Variants in ZNF385B observed in about 807,000 individuals in gnomAD.
ZNF385B encodes the protein zinc finger protein 533.
In ZNF385B, 23 loss-of-function variants were observed where a neutral mutation model predicts 39.2. The ratio of observed to expected loss-of-function variants is 0.59; its 90% confidence interval spans 0.42 to 0.83. ZNF385B has a LOEUF of 0.83. Among genes scored for constraint, ZNF385B ranks in the 40% least tolerant of loss-of-function variants. The probability of loss-of-function intolerance (pLI) is 0.00; values close to 1 mark genes in which losing one functional copy is unlikely to be tolerated. For synonymous variants in ZNF385B, 205 were observed against 222.6 expected (o/e 0.92, Z 0.70); for missense variants, 552 against 598.9 (o/e 0.92, Z 0.82).
chr2:179,712,936 G>C (rs985748903), intron 3 of ZNF385B, among the ~76,000 whole-genome samples: 1 of 152,096 alleles, frequency 6.6e-6, no homozygotes, highest in Admixed American at 6.5e-5. Context: ...ATCTTTTTCT[G>C]GGCTAGTAAT....
intron 5 of ZNF385B, among the ~76,000 whole-genome samples, chr2:179,502,938 A>C (rs2056895601): frequency 1.3e-5 from 2 of 152,160 alleles, no homozygotes; most frequent in Admixed American, 1.3e-4. Context: ...CAGTGGTGGG[A>C]TCATGGCTCA....
chr2:179,524,289 A>C (rs2058715753), intron 4 of ZNF385B, among the ~76,000 whole-genome samples: 1 of 152,028 alleles, frequency 6.6e-6, no homozygotes, highest in Non-Finnish European at 1.5e-5. Flanking sequence ...ACGGTGGCTG[A>C]CGCCTGCAAT....
At chr2:179,606,266 T>C (rs1474212580) in intron 3 of ZNF385B, among the ~76,000 whole-genome samples, 1 of 152,122 alleles carries the variant, frequency 6.6e-6, no homozygotes, top group African/African-American at 2.4e-5. Flanking sequence ...ACTAAGCACT[T>C]CTTTAAAAGG....
chr2:179,486,665 G>A (rs1021090045), intron 5 of ZNF385B, among the ~76,000 whole-genome samples: 3 of 152,134 alleles, frequency 2.0e-5, no homozygotes, highest in Non-Finnish European at 2.9e-5. Context: ...CTGTAAGCCC[G>A]GCACTTTGGG....
intron 3 of ZNF385B, among the ~76,000 whole-genome samples, chr2:179,732,292 T>G (rs1056990300): frequency 6.6e-6 from 1 of 152,256 alleles, no homozygotes; most frequent in Non-Finnish European, 1.5e-5. Context: ...GTTGTCCAGT[T>G]GGCTCTTTAT....
chr2:179,603,935 G>A (rs1688603770), intron 3 of ZNF385B, among the ~76,000 whole-genome samples: 1 of 152,100 alleles, frequency 6.6e-6, no homozygotes, highest in Admixed American at 6.6e-5. Flanking sequence ...GATATATTAG[G>A]ATTTTCACAG....
intron 3 of ZNF385B, among the ~76,000 whole-genome samples, chr2:179,671,648 C>T (rs1042778601): frequency 6.6e-5 from 10 of 152,190 alleles, no homozygotes; most frequent in African/African-American, 2.2e-4. Flanking sequence ...ACAATTTCAA[C>T]GAAGGGGCTA....
intron 3 of ZNF385B, among the ~76,000 whole-genome samples, chr2:179,629,287 G>A (rs1422302886): frequency 6.6e-6 from 1 of 152,170 alleles, no homozygotes; most frequent in Admixed American, 6.5e-5. Context: ...AGTACTGTCA[G>A]CCAGCATCTG....
chr2:179,705,561 G>C (rs1360518263), intron 3 of ZNF385B, among the ~76,000 whole-genome samples: 1 of 152,260 alleles, frequency 6.6e-6, no homozygotes, highest in South Asian at 2.1e-4. Context: ...CTATTCTCTA[G>C]ATCACCCTGG....
At chr2:179,669,821 C>T (rs1414602074) in intron 3 of ZNF385B, among the ~76,000 whole-genome samples, 1 of 152,114 alleles carries the variant, frequency 6.6e-6, no homozygotes, top group Admixed American at 6.5e-5. Context: ...AGAACTAATA[C>T]AGTTTAGACA....
chr2:179,548,491 GAATTC>G (rs2060371795), intron 3 of ZNF385B, among the ~76,000 whole-genome samples: 1 of 149,540 alleles, frequency 6.7e-6, no homozygotes, highest in Non-Finnish European at 1.5e-5. Context: ...CTGAATTGTA[GAATTC>G]AATTATTTTT....
At chr2:179,714,664 GC>G (rs1425469404) in intron 3 of ZNF385B, among the ~76,000 whole-genome samples, 5 of 151,962 alleles carry the variant, frequency 3.3e-5, no homozygotes, top group African/African-American at 1.2e-4. Flanking sequence ...AGAATTTCCT[GC>G]CCAGGCGTGG....
At chr2:179,791,309 G>A (rs1481648220) in intron 1 of ZNF385B, among the ~76,000 whole-genome samples, 2 of 152,126 alleles carry the variant, frequency 1.3e-5, no homozygotes, top group Admixed American at 6.5e-5. Context: ...ACCTAATACA[G>A]TCTTTTAGTG....
At chr2:179,472,217 T>C (rs1050604290) in intron 6 of ZNF385B, among the ~76,000 whole-genome samples, 1 of 152,224 alleles carries the variant, frequency 6.6e-6, no homozygotes, top group African/African-American at 2.4e-5. Context: ...TTTTTCAAAG[T>C]ACTTACAAAA....
intron 3 of ZNF385B, among the ~76,000 whole-genome samples, chr2:179,759,294 C>T (rs554447948): frequency 6.6e-6 from 1 of 152,168 alleles, no homozygotes; most frequent in Admixed American, 6.5e-5. Flanking sequence ...GAAGCAATAC[C>T]TAAGTGAGAT....
chr2:179,609,569 T>A (rs1689115674), intron 3 of ZNF385B, among the ~76,000 whole-genome samples: 1 of 152,198 alleles, frequency 6.6e-6, no homozygotes, highest in Non-Finnish European at 1.5e-5. Context: ...ATAGACTGAT[T>A]TCCTTTCTTT....
At position 179,858,468 on chromosome 2, in the gene ZNF385B, G is replaced by T. The variant is rs111960523; in HGVS notation, c.-155+2633C>A. 5.9e-3 allele frequency among the ~76,000 whole-genome samples: 894 copies of T among 151,906 alleles called. 7 individuals carry two copies. The highest frequency in any genetic ancestry group is 0.031 in the Middle Eastern group (9 of 294). On this transcript the variant is annotated intron_variant, in intron 1 of 9. Coordinates refer to ENST00000410066, the MANE Select transcript of ZNF385B (RefSeq NM_152520.6). ...AGAAATAATCTAGCACTAATAAAAA[G>T]AAACAACTGAATAAAAAGTAACATA...
intron 1 of ZNF385B, among the ~76,000 whole-genome samples, chr2:179,795,595 A>C (rs1705610969): frequency 6.6e-6 from 1 of 151,862 alleles, no homozygotes; most frequent in Non-Finnish European, 1.5e-5. Flanking sequence ...ATATCTAAAG[A>C]TCTAGAAAGA....
intron 3 of ZNF385B, among the ~76,000 whole-genome samples, chr2:179,754,591 T>C (rs1221969301): frequency 1.3e-5 from 2 of 152,334 alleles, no homozygotes; most frequent in East Asian, 1.9e-4. Flanking sequence ...GGCTATTAAA[T>C]ATTGCCTCAA....
Sources: allele counts gnomAD v4.1 joint callset (sites outside exome capture counted in the v4.1 genomes callset), GRCh38; gene constraint gnomAD v4.1.1; transcripts MANE v1.5; gene names NCBI Gene and HGNC (gene_info 2026-07-23, HGNC 2026-07-21).